C12orf42: variants seen among roughly 807,000 people sequenced by gnomAD.
C12orf42 encodes the protein chromosome 12 open reading frame 42.
In C12orf42, 25 loss-of-function variants were observed where a neutral mutation model predicts 21.6. The observed-to-expected ratio is 1.16, with a 90% CI of 0.84 to 1.62. The LOEUF is 1.62. Ranked by LOEUF, C12orf42 falls within the 40% of genes most tolerant of loss-of-function variation. C12orf42 has a pLI of 0.00. For synonymous variants in C12orf42, 174 were observed against 175.0 expected, an observed-to-expected ratio of 0.99 and a Z score of 0.05; for missense variants, 483 against 459.3, an observed-to-expected ratio of 1.05 and a Z score of -0.47.
the C12orf42 span, among the ~76,000 whole-genome samples, chr12:103,126,536 G>A: frequency 6.6e-6 from 1 of 152,046 alleles, no homozygotes; most frequent in Non-Finnish European, 1.5e-5. Flanking sequence ...CATGAGAGCT[G>A]TTATCAACAT....
intron 4 of C12orf42, among the ~76,000 whole-genome samples, chr12:103,336,750 C>G (rs1023724106): frequency 2.0e-5 from 3 of 151,986 alleles, no homozygotes; most frequent in Non-Finnish European, 2.9e-5. Flanking sequence ...TTTTTTTATA[C>G]GCATCAACTC....
chr12:103,163,397 C>T, the C12orf42 span, among the ~76,000 whole-genome samples: 1 of 152,202 alleles, frequency 6.6e-6, no homozygotes, highest in South Asian at 2.1e-4. Flanking sequence ...AGTAAAAATG[C>T]CTCCATTTCA....
chr12:103,381,548 T>C (rs371532914), intron 3 of C12orf42, among the ~76,000 whole-genome samples: 2 of 152,144 alleles, frequency 1.3e-5, no homozygotes, highest in Admixed American at 6.5e-5. Context: ...TCAGAAGCAA[T>C]GTGTGCAGTG....
intron 3 of C12orf42, among the ~76,000 whole-genome samples, chr12:103,376,319 C>G (rs1456063873): frequency 1.3e-5 from 2 of 152,144 alleles, no homozygotes; most frequent in Non-Finnish European, 2.9e-5. Context: ...AAACCAAACA[C>G]CGCATGTTCT....
At chr12:103,186,915 C>T in the C12orf42 span, among the ~76,000 whole-genome samples, 1 of 152,130 alleles carries the variant, frequency 6.6e-6, no homozygotes, top group Admixed American at 6.6e-5. Flanking sequence ...CCCTTTCCAC[C>T]TTACTTTGAT....
chr12:103,561,492 A>C, the C12orf42 span, among the ~76,000 whole-genome samples: 14 of 152,178 alleles, frequency 9.2e-5, no homozygotes, highest in African/African-American at 3.4e-4. Flanking sequence ...GAAGGACAGC[A>C]GGCTGACTCA....
At chr12:103,270,010 G>T (rs1389944488) in intron 5 of C12orf42, 3 of 152,242 alleles carry the variant, frequency 2.0e-5, no homozygotes, top group Admixed American at 1.3e-4. Context: ...AATAGAATGA[G>T]TCTCAGAGTT....
At chr12:103,075,939 G>A in the C12orf42 span, among the ~76,000 whole-genome samples, 1 of 152,152 alleles carries the variant, frequency 6.6e-6, no homozygotes, top group Non-Finnish European at 1.5e-5. Flanking sequence ...AAACTCAGGA[G>A]GAGCTAGTTT....
At chr12:103,522,058 G>C in the C12orf42 span, among the ~76,000 whole-genome samples, 50 of 152,216 alleles carry the variant, frequency 3.3e-4, no homozygotes, top group East Asian at 1.9e-4. Flanking sequence ...TGGTTTGGCT[G>C]TGTCCCCACC....
At chr12:103,323,275 A>AT (rs1322745016) in intron 4 of C12orf42, among the ~76,000 whole-genome samples, 1 of 152,168 alleles carries the variant, frequency 6.6e-6, no homozygotes, top group East Asian at 1.9e-4. Context: ...ACGGCAACCC[A>AT]TGATCCTCTC....
At chr12:103,495,245 G>C (rs1337650942) in intron 1 of C12orf42, among the ~76,000 whole-genome samples, 1 of 151,878 alleles carries the variant, frequency 6.6e-6, no homozygotes, top group Non-Finnish European at 1.5e-5. Context: ...GAGCGGGCGG[G>C]GAAGGTTAGG....
At chr12:103,412,392 G>A (rs1253987314) in intron 2 of C12orf42, among the ~76,000 whole-genome samples, 1 of 152,210 alleles carries the variant, frequency 6.6e-6, no homozygotes, top group Non-Finnish European at 1.5e-5. Context: ...GAGACAGCTG[G>A]GCGCAGTAGC....
chr12:103,285,735 T>C (rs1390024720), intron 4 of C12orf42, among the ~76,000 whole-genome samples: 1 of 152,202 alleles, frequency 6.6e-6, no homozygotes, highest in East Asian at 1.9e-4. Flanking sequence ...AAAATCAGCT[T>C]CGTTGTATAT....
chr12:103,391,223 A>G (rs1264686999), intron 3 of C12orf42, among the ~76,000 whole-genome samples: 1 of 152,040 alleles, frequency 6.6e-6, no homozygotes, highest in Admixed American at 6.5e-5. Context: ...GTTTTTAGCC[A>G]TTGTGAATAA....
At chr12:103,133,672 T>G in the C12orf42 span, among the ~76,000 whole-genome samples, 1 of 152,138 alleles carries the variant, frequency 6.6e-6, no homozygotes, top group Non-Finnish European at 1.5e-5. Flanking sequence ...AGAATCAAAG[T>G]CAAAGTACCC....
intron 10 of C12orf42, among the ~76,000 whole-genome samples, chr12:103,262,959 A>AAT (rs2034973807): frequency 6.6e-6 from 1 of 152,208 alleles, no homozygotes; most frequent in Non-Finnish European, 1.5e-5. Flanking sequence ...TACACCATGG[A>AAT]ATACTATGCA....
chr12:103,165,471 G>A, the C12orf42 span, among the ~76,000 whole-genome samples: 1 of 152,184 alleles, frequency 6.6e-6, no homozygotes, highest in Non-Finnish European at 1.5e-5. Flanking sequence ...TGAGGGAGAG[G>A]ATTGCAAATA....
At chr12:103,534,751 C>T in the C12orf42 span, among the ~76,000 whole-genome samples, 20 of 152,250 alleles carry the variant, frequency 1.3e-4, no homozygotes, top group South Asian at 8.3e-4. Context: ...GCATTAACTG[C>T]CCTTTTGCTC....
At chr12:103,557,319 G>A in the C12orf42 span, 15 of 152,280 alleles carry the variant, frequency 9.9e-5, 1 homozygote, top group African/African-American at 3.6e-4. Flanking sequence ...GTGTTCACAT[G>A]TGCAATTATC....
Sources: allele counts gnomAD v4.1 joint callset (sites outside exome capture counted in the v4.1 genomes callset), GRCh38; gene constraint gnomAD v4.1.1; transcripts MANE v1.5; gene names NCBI Gene and HGNC (gene_info 2026-07-23, HGNC 2026-07-21).